The following SLC6A3 variants were observed in gnomAD, a reference collection of about 807,000 sequenced individuals.
The protein encoded by SLC6A3 is sodium-dependent dopamine transporter.
SLC6A3 carries 19 observed loss-of-function variants against 70.4 expected under a neutral mutation model. The observed-to-expected ratio is 0.27, with a 90% CI of 0.19 to 0.40. SLC6A3 has a LOEUF of 0.40. SLC6A3 is among the 10% of genes least tolerant of loss of function. The probability of loss-of-function intolerance (pLI) is 1.00; values close to 1 mark genes in which losing one functional copy is unlikely to be tolerated. For missense variants in SLC6A3, 613 were observed against 838.5 expected (o/e 0.73, Z 3.32); for synonymous variants, 368 against 356.6 (o/e 1.03, Z -0.36).
rs990708831 is a variant in SLC6A3 at position 1,406,907 on chromosome 5, G to A, written c.1499-619C>T. On this transcript the variant is annotated intron_variant, in intron 11 of 14. Transcript: ENST00000270349. This position sits in a 1 kb window ranked among gnomAD's most constrained non-coding sequence, Gnocchi z 8.8. ...TGGAGTCACGTGGCACGGGGCCTCT[G>A]CAACTGGTTTACTCCCTGTAGAGTG... 1.3e-5 allele frequency among the ~76,000 whole-genome samples: 2 copies of A among 152,136 alleles called. No individual in the cohort carries two copies. Among genetic ancestry groups the A allele is most frequent in the Non-Finnish European group, 2.9e-5 (2 of 68,030 alleles).
chr5:1,395,744 C>T (rs1755702211), intron 14 of SLC6A3, among the ~76,000 whole-genome samples: 1 of 152,178 alleles, frequency 6.6e-6, no homozygotes, highest in African/African-American at 2.4e-5. Context: ...GTGGCAGCCC[C>T]ACTTCAGGCC....
In SLC6A3 at chr5:1,411,739, T is replaced by C. The variant is rs1377592226; in HGVS notation, c.1157-384A>G. On this transcript the variant is annotated intron_variant, in intron 8 of 14. Coordinates refer to ENST00000270349, the MANE Select transcript of SLC6A3 (RefSeq NM_001044.5). This position sits in a 1 kb window ranked among gnomAD's most constrained non-coding sequence, Gnocchi z 6.5. Reference sequence around the variant, plus strand: ...TAATGTCCTTCGAGTTAGTTTTTCCTGCACATACCATGCAACATACACACT... The same window carrying C: ...TAATGTCCTTCGAGTTAGTTTTTCCCGCACATACCATGCAACATACACACT... Among the ~76,000 whole-genome samples the C allele has an allele frequency of 6.6e-6, 1 of 151,996 alleles. No individual in the cohort carries two copies. The highest frequency in any genetic ancestry group is 2.4e-5 in the African/African-American group (1 of 41,358).
chr5:1,394,666 G>A lies in SLC6A3; in HGVS notation c.*69C>T, dbSNP rs942434534. On this transcript the variant is annotated 3_prime_UTR_variant, in exon 15 of 15. Transcript: ENST00000270349. The surrounding 1 kb of genome is among the most constrained non-coding windows in gnomAD (Gnocchi z 4.7). ...TTGCCCTCCTTTCTCTCGAAACTTA[G>A]ATTTCCTTGGTTTGTTCGTGTCTCT... 1.7e-4 allele frequency: 264 copies of A among 1,511,164 alleles called. 2 individuals are homozygous for A. The Middle Eastern group carries it at 2.6e-3, about 15-fold the overall frequency. The allele number at this position is 1,511,164 out of a possible 1,614,324, so 93.6% of individuals were successfully genotyped here. A position where few individuals can be genotyped will look rare whatever the true frequency, so the allele number is the denominator to read the frequency against.
At chr5:1,400,095 G>T (rs550455661) in intron 14 of SLC6A3, among the ~76,000 whole-genome samples, 31 of 152,214 alleles carry the variant, frequency 2.0e-4, no homozygotes, top group Non-Finnish European at 3.7e-4. Context: ...TCTCCCTTTT[G>T]CTGTGCATTG....
intron 6 of SLC6A3, among the ~76,000 whole-genome samples, chr5:1,419,448 C>A (rs929439790): frequency 1.3e-5 from 2 of 152,214 alleles, no homozygotes; most frequent in Non-Finnish European, 2.9e-5. Flanking sequence ...TTCACATGCA[C>A]TGGTGTTTGT....
At position 1,413,706 on chromosome 5, in the gene SLC6A3, T is replaced by G. The variant is rs943564490; in HGVS notation, c.1156+985A>C. Among the ~76,000 whole-genome samples, 2 of 151,956 alleles carry G rather than the reference T, an allele frequency of 1.3e-5. No homozygotes were observed. The highest frequency in any genetic ancestry group is 1.3e-4 in the Admixed American group (2 of 15,266). ...AGCGAAAGGGCCTCCTCCACATCCA[T>G]GTGGCAGAGCAGGCCGGGAGGCAGG... On this transcript the variant is annotated intron_variant, in intron 8 of 14. Coordinates refer to ENST00000270349, the MANE Select transcript of SLC6A3 (RefSeq NM_001044.5). The surrounding 1 kb of genome is among the most constrained non-coding windows in gnomAD (Gnocchi z 7.1).
chr5:1,444,773 G>C (rs1733758812), intron 1 of SLC6A3, among the ~76,000 whole-genome samples: 1 of 152,192 alleles, frequency 6.6e-6, no homozygotes, highest in African/African-American at 2.4e-5. Flanking sequence ...CGAGTTTTGG[G>C]TCTACACAGC....
chr5:1,432,389 G>T, intron 4 of SLC6A3, 75 bp downstream of exon 4: 1 of 1,123,364 alleles, frequency 8.9e-7, no homozygotes, highest in Non-Finnish European at 1.3e-6. Context: ...AAGGGCTGGT[G>T]TCCAACCAAG....
At chr5:1,439,598 C>A (rs997588593) in intron 3 of SLC6A3, among the ~76,000 whole-genome samples, 1 of 152,222 alleles carries the variant, frequency 6.6e-6, no homozygotes, top group African/African-American at 2.4e-5. Context: ...CAGCGGCTCG[C>A]CTCTGAAGGC....
chr5:1,416,031 T>C (rs1210649584), intron 7 of SLC6A3, 67 bp downstream of exon 7: 7 of 1,217,610 alleles, frequency 5.7e-6, no homozygotes, highest in Non-Finnish European at 8.5e-6. Flanking sequence ...GGACACCCTA[T>C]TTCTGGAAGT....
intron 4 of SLC6A3, among the ~76,000 whole-genome samples, chr5:1,424,536 C>T (rs1214927920): frequency 2.0e-5 from 3 of 152,236 alleles, no homozygotes; most frequent in Admixed American, 2.0e-4. Context: ...CTCACACACA[C>T]ACGTGCATGA....
intron 11 of SLC6A3, among the ~76,000 whole-genome samples, chr5:1,407,595 A>C (rs1358568014): frequency 6.6e-6 from 1 of 152,206 alleles, no homozygotes; most frequent in African/African-American, 2.4e-5. Flanking sequence ...AAAATAACAC[A>C]GATCTCGGTC....
intron 3 of SLC6A3, among the ~76,000 whole-genome samples, chr5:1,440,735 G>GGGCCGGGCGCGGTGGCTC (rs1733632443): frequency 6.6e-6 from 1 of 152,212 alleles, no homozygotes; most frequent in African/African-American, 2.4e-5. Flanking sequence ...GAGGCACAGG[G>GGGCCGGGCGCGGTGGCTC]AGAAGACAAT....
rs149715365 is a variant in SLC6A3, at chr5:1,409,944, G to A, written c.1270-95C>T. ...CTTGTCACCCAGTGGACGCACACCCGGGGATGGACACGGAACAGGGGCCAC... is the reference window on the plus strand; with the variant it reads ...CTTGTCACCCAGTGGACGCACACCCAGGGATGGACACGGAACAGGGGCCAC... On this transcript the variant is annotated intron_variant, in intron 9 of 14. Coordinates refer to ENST00000270349, the MANE Select transcript of SLC6A3 (RefSeq NM_001044.5). 243 of 1,509,980 alleles carry A rather than the reference G, an allele frequency of 1.6e-4. No individual in the cohort carries two copies. The Middle Eastern group carries it at 2.5e-3, about 15-fold the overall frequency. 93.5% of individuals were successfully genotyped at this position (1,509,980 alleles called of 1,614,324 possible).
intron 8 of SLC6A3, among the ~76,000 whole-genome samples, chr5:1,412,997 G>A (rs1249106309): frequency 1.3e-5 from 2 of 152,214 alleles, no homozygotes; most frequent in Admixed American, 6.5e-5. Flanking sequence ...TCAGCTCAGG[G>A]AATGTAATGT....
chr5:1,401,183 G>C lies in SLC6A3; in HGVS notation c.1768-197C>G. ...ACACTGCCAGTGCCCATGCCGACCA[G>C]ACAGCCAGTCAGGCCCGAAGCCAAC... On this transcript the variant is annotated intron_variant, in intron 13 of 14. Coordinates refer to ENST00000270349, the MANE Select transcript of SLC6A3 (RefSeq NM_001044.5). This position sits in a 1 kb window ranked among gnomAD's most constrained non-coding sequence, Gnocchi z 6.1. 1.4e-6 allele frequency: 1 copy of C among 701,036 alleles called. No individual in the cohort carries two copies. Among genetic ancestry groups the C allele is most frequent in the South Asian group, 1.5e-5 (1 of 66,758 alleles). The allele number at this position is 701,036 out of a possible 1,614,324, so 43.4% of individuals were successfully genotyped here. A position where few individuals can be genotyped will look rare whatever the true frequency, so the allele number is the denominator to read the frequency against.
intron 11 of SLC6A3, among the ~76,000 whole-genome samples, chr5:1,407,418 A>G (rs1173575976): frequency 6.6e-6 from 1 of 152,044 alleles, no homozygotes; most frequent in Non-Finnish European, 1.5e-5. Flanking sequence ...CGGCCCCCAG[A>G]CCCTGCCTCC....
intron 10 of SLC6A3, 43 bp from the exon 11 acceptor site, chr5:1,409,168 C>A: frequency 7.0e-7 from 1 of 1,421,714 alleles, no homozygotes; most frequent in South Asian, 1.2e-5. Flanking sequence ...AGGGCTTTCC[C>A]CAGAGGTAAA....
chr5:1,425,063 G>C (rs1756548121), intron 4 of SLC6A3, among the ~76,000 whole-genome samples: 1 of 152,250 alleles, frequency 6.6e-6, no homozygotes, highest in Non-Finnish European at 1.5e-5. Flanking sequence ...AGCCATAATA[G>C]TTGGGAGGAC....
Sources: gnomAD v4.1 joint callset for allele counts (sites outside exome capture counted in the v4.1 genomes callset) on GRCh38, gnomAD v4.1.1 for gene constraint, Gnocchi (gnomAD v3.1) non-coding constraint, MANE v1.5 for transcripts, NCBI Gene and HGNC (gene_info 2026-07-23, HGNC 2026-07-21) for gene names.